PCDHGA8: variants seen among roughly 807,000 people sequenced by gnomAD.
The protein encoded by PCDHGA8 is protocadherin gamma-A8.
PCDHGA8 carries 45 observed loss-of-function variants against 59.2 expected under a neutral mutation model. The ratio of observed to expected loss-of-function variants is 0.76; its 90% CI spans 0.60 to 0.98. The LOEUF (loss-of-function observed/expected upper bound fraction) is 0.98, where lower values mean the gene tolerates loss of function less well. Among genes scored for constraint, PCDHGA8 ranks in the 50% least tolerant of loss-of-function variants. The probability of loss-of-function intolerance (pLI) is 0.00; values close to 1 mark genes in which losing one functional copy is unlikely to be tolerated. For missense variants in PCDHGA8, 1,257 were observed against 1,196.2 expected (o/e 1.05, Z -0.75); for synonymous variants, 531 against 519.0 (o/e 1.02, Z -0.32).
intron 1 of PCDHGA8, chr5:141,408,161 C>T: frequency 2.0e-6 from 3 of 1,517,698 alleles, no homozygotes; most frequent in Non-Finnish European, 2.7e-6. Context: ...TGCACTTTCT[C>T]CAACTGGAAA....
At chr5:141,417,781 G>C in intron 1 of PCDHGA8, 1 of 1,473,574 alleles carries the variant, frequency 6.8e-7, no homozygotes. Flanking sequence ...CCTGTCCTGG[G>C]CCGAATGCTC....
chr5:141,497,104 T>C (rs757158984), intron 2 of PCDHGA8, among the ~76,000 whole-genome samples: 44 of 151,910 alleles, frequency 2.9e-4, no homozygotes, highest in Non-Finnish European at 5.9e-4. Context: ...CAGAACTGCT[T>C]GAACCCGGAA....
At chr5:141,413,924 A>T in intron 1 of PCDHGA8, 1 of 1,613,408 alleles carries the variant, frequency 6.2e-7, no homozygotes, top group Non-Finnish European at 8.5e-7. Context: ...ACCTTGCCAG[A>T]ATACCGAGTG....
chr5:141,493,962 T>C lies in PCDHGA8; in HGVS notation c.2425-845T>C, dbSNP rs550317675. 6.6e-6 allele frequency among the ~76,000 whole-genome samples: 1 copy of C among 152,320 alleles called. No homozygotes were observed. Among genetic ancestry groups the C allele is most frequent in the African/African-American group, 2.4e-5 (1 of 41,578 alleles). ...AGAAGGGACTCAGGAATGAAGTGGC[T>C]GGCCAGAGCCCCACACCTTCAGCTA... is the stretch of plus-strand genomic sequence containing the variant. On this transcript the variant is annotated intron_variant, in intron 1 of 3. Coordinates refer to ENST00000398604, the MANE Select transcript of PCDHGA8 (RefSeq NM_032088.2). This position sits in a 1 kb window ranked among gnomAD's most constrained non-coding sequence, Gnocchi z 4.3.
At chr5:141,455,020 G>A (rs201196115) in intron 1 of PCDHGA8, among the ~76,000 whole-genome samples, 1 of 151,166 alleles carries the variant, frequency 6.6e-6, no homozygotes, top group African/African-American at 2.4e-5. Context: ...CACCGTGTTA[G>A]CCAGGATGGT....
rs146919978 is a variant in PCDHGA8, at chr5:141,489,268, G to A, written c.2425-5539G>A. 1,443 of 1,553,166 alleles carry A rather than the reference G, an allele frequency of 9.3e-4. 2 individuals are homozygous for A. The highest frequency in any genetic ancestry group is 1.2e-3 in the Non-Finnish European group (1,381 of 1,149,786). On this transcript the variant is annotated intron_variant, in intron 1 of 3. Transcript: ENST00000398604. The surrounding 1 kb of genome is among the most constrained non-coding windows in gnomAD (Gnocchi z 4.5). ...GGGGCCCAAGACACTCCCACAGCTCGCTGGGAAATGGCAAGTGCTGTGCAT... is the reference window on the plus strand; with the variant it reads ...GGGGCCCAAGACACTCCCACAGCTCACTGGGAAATGGCAAGTGCTGTGCAT...
intron 1 of PCDHGA8, chr5:141,478,167 G>A: frequency 6.2e-7 from 1 of 1,613,772 alleles, no homozygotes; most frequent in Non-Finnish European, 8.5e-7. Context: ...TCTGCCCCCC[G>A]GGAGCAGAAA....
intron 3 of PCDHGA8, 90 bp from the exon 4 acceptor site, chr5:141,510,857 A>G (rs1184962556): frequency 6.2e-7 from 1 of 1,605,538 alleles, no homozygotes; most frequent in Non-Finnish European, 8.5e-7. Flanking sequence ...AGGGTGCTGT[A>G]TAGGCATTCA....
chr5:141,405,391 T>A, intron 1 of PCDHGA8: 1 of 1,595,892 alleles, frequency 6.3e-7, no homozygotes, highest in Non-Finnish European at 8.5e-7. Flanking sequence ...GTTCATTTTT[T>A]TTCTTTCTTT....
chr5:141,446,854 C>T (rs1474444931), intron 1 of PCDHGA8, among the ~76,000 whole-genome samples: 1 of 152,134 alleles, frequency 6.6e-6, no homozygotes, highest in Non-Finnish European at 1.5e-5. Context: ...AATAAGCTTC[C>T]TGATAGCTCT....
chr5:141,439,638 C>T (rs1256973189), intron 1 of PCDHGA8, among the ~76,000 whole-genome samples: 2 of 152,184 alleles, frequency 1.3e-5, no homozygotes, highest in African/African-American at 4.8e-5. Context: ...GACATTCCGG[C>T]TTGGTGGCTT....
In PCDHGA8 at chr5:141,487,917, CTACAGTGCACAGGG is replaced by C; in HGVS notation, c.2425-6879_2425-6866del. On this transcript the variant is annotated intron_variant, in intron 1 of 3. Coordinates refer to ENST00000398604, the MANE Select transcript of PCDHGA8 (RefSeq NM_032088.2). The surrounding 1 kb of genome is among the most constrained non-coding windows in gnomAD (Gnocchi z 5.0). ...TGATGGAATGTGGGAGCACAGGAGG[CTACAGTGCACAGGG>C]TACAGTGCACCAGGCAGTCACTTGG... 1 of 647,994 alleles carries C rather than the reference CTACAGTGCACAGGG, an allele frequency of 1.5e-6. No homozygotes were observed. The highest frequency in any genetic ancestry group is 2.7e-6 in the Non-Finnish European group (1 of 377,182). 40.1% of individuals were successfully genotyped at this position (647,994 alleles called of 1,614,324 possible).
intron 1 of PCDHGA8, chr5:141,408,050 G>A: frequency 1.6e-6 from 2 of 1,259,544 alleles, no homozygotes; most frequent in Middle Eastern, 2.8e-4. Flanking sequence ...CCCACACAGA[G>A]CCTCCCGGCT....
In PCDHGA8 at chr5:141,419,882, T is replaced by A. The variant is rs145814583; in HGVS notation, c.2424+24645T>A. ...TAGCTTGCAAGAGGTACTGCCGGAT[T>A]TCAGCGACCATCCCACACCCTCTGA... On this transcript the variant is annotated intron_variant, in intron 1 of 3. Transcript: ENST00000398604. The A allele has an allele frequency of 4.9e-3, 7,980 of 1,614,092 alleles. 44 individuals carry two copies. Among genetic ancestry groups the A allele is most frequent in the Admixed American group, 9.4e-3 (567 of 60,032 alleles).
At chr5:141,500,369 C>T (rs1034629981) in intron 2 of PCDHGA8, among the ~76,000 whole-genome samples, 4 of 151,866 alleles carry the variant, frequency 2.6e-5, no homozygotes, top group Admixed American at 6.6e-5. Flanking sequence ...CTACCACGCC[C>T]GGCTAATTAT....
chr5:141,448,639 T>A (rs1248697237), intron 1 of PCDHGA8, among the ~76,000 whole-genome samples: 1 of 152,148 alleles, frequency 6.6e-6, no homozygotes, highest in Admixed American at 6.6e-5. Flanking sequence ...CATTATATCC[T>A]TTAAAAATAT....
chr5:141,467,572 G>A (rs1351985954), intron 1 of PCDHGA8, among the ~76,000 whole-genome samples: 1 of 152,184 alleles, frequency 6.6e-6, no homozygotes, highest in African/African-American at 2.4e-5. Flanking sequence ...TGGCTATCCA[G>A]TTGTCCCAAT....
intron 1 of PCDHGA8, among the ~76,000 whole-genome samples, chr5:141,437,452 G>GACTAT (rs1319101256): frequency 6.6e-6 from 1 of 152,144 alleles, no homozygotes; most frequent in Non-Finnish European, 1.5e-5. Context: ...ATGTTGAGGA[G>GACTAT]ACTATACTAT....
intron 1 of PCDHGA8, chr5:141,441,038 G>T (rs1263659082): frequency 1.3e-5 from 2 of 152,156 alleles, no homozygotes; most frequent in Non-Finnish European, 2.9e-5. Flanking sequence ...AAAACTTTAA[G>T]TACATTGGAC....
Sources: allele counts gnomAD v4.1 joint callset (sites outside exome capture counted in the v4.1 genomes callset), GRCh38; gene constraint gnomAD v4.1.1; non-coding constraint Gnocchi (gnomAD v3.1); transcripts MANE v1.5; gene names NCBI Gene and HGNC (gene_info 2026-07-23, HGNC 2026-07-21).